ARHGAP44: variants seen among roughly 807,000 people sequenced by gnomAD.
ARHGAP44 encodes rho GTPase-activating protein 44.
A neutral mutation model predicts 106.8 loss-of-function variants in ARHGAP44; 43 were observed. The ratio of observed to expected loss-of-function variants is 0.40; its 90% CI spans 0.32 to 0.52. The LOEUF is 0.52. Ranked by LOEUF, ARHGAP44 falls within the 20% of genes least tolerant of loss-of-function variation. The pLI is 0.48. For synonymous variants in ARHGAP44, 439 were observed against 410.3 expected (o/e 1.07, Z -0.85); for missense variants, 866 against 1,050.5 (o/e 0.82, Z 2.43).
rs199769525 is a variant in ARHGAP44, at chr17:12,944,226, C to T, written c.861+30C>T. ...GTCTGAGCACAGCCACACGCCGCCC[C>T]GGGCAGGTCTCCTCTTCCACGAGAC... On this transcript the variant is annotated intron_variant, in intron 10 of 20. Coordinates refer to ENST00000379672, the MANE Select transcript of ARHGAP44 (RefSeq NM_014859.6). 2.2e-3 allele frequency: 3,508 copies of T among 1,564,214 alleles called. 76 individuals carry two copies. The South Asian group carries it at 0.038, about 17-fold the overall frequency.
At chr17:12,924,679 G>A (rs751282632) in intron 6 of ARHGAP44, among the ~76,000 whole-genome samples, 12 of 152,158 alleles carry the variant, frequency 7.9e-5, no homozygotes, top group African/African-American at 2.9e-4. Context: ...ATAAGAATGG[G>A]CCCCTATTTC....
At chr17:12,838,796 C>T (rs148981492) in intron 1 of ARHGAP44, among the ~76,000 whole-genome samples, 4 of 151,914 alleles carry the variant, frequency 2.6e-5, no homozygotes, top group Non-Finnish European at 5.9e-5. Context: ...CTCAGTCTTC[C>T]GAGTAGCTGG....
At chr17:12,840,535 C>A (rs779353211) in intron 1 of ARHGAP44, among the ~76,000 whole-genome samples, 6 of 152,152 alleles carry the variant, frequency 3.9e-5, no homozygotes, top group African/African-American at 9.7e-5. Context: ...TCCTAGGTCA[C>A]CTCTCCCTCT....
intron 6 of ARHGAP44, among the ~76,000 whole-genome samples, chr17:12,927,722 C>G (rs2038288287): frequency 6.6e-6 from 1 of 152,160 alleles, no homozygotes; most frequent in African/African-American, 2.4e-5. Context: ...TTAAACAAGG[C>G]AGGATCCCTC....
chr17:12,954,454 T>C (rs2143130675), intron 13 of ARHGAP44, among the ~76,000 whole-genome samples: 1 of 152,364 alleles, frequency 6.6e-6, no homozygotes, highest in Middle Eastern at 3.4e-3. Flanking sequence ...GCCTAAGCTC[T>C]CAGCTTAGGT....
intron 8 of ARHGAP44, among the ~76,000 whole-genome samples, chr17:12,943,373 G>A (rs2150983070): frequency 6.6e-6 from 1 of 152,274 alleles, no homozygotes; most frequent in Middle Eastern, 3.4e-3. Context: ...ATTCCTGTCT[G>A]GTTCTCCTGC....
At chr17:12,901,017 G>T (rs544901190) in intron 3 of ARHGAP44, among the ~76,000 whole-genome samples, 1 of 150,656 alleles carries the variant, frequency 6.6e-6, no homozygotes, top group East Asian at 2.0e-4. Context: ...TCTGCCTCCC[G>T]GGTTCAAGCA....
At chr17:12,927,836 C>A (rs1176803439) in intron 6 of ARHGAP44, among the ~76,000 whole-genome samples, 1 of 152,152 alleles carries the variant, frequency 6.6e-6, no homozygotes, top group African/African-American at 2.4e-5. Flanking sequence ...TTTCTTAGAG[C>A]TGAGAAATAG....
At position 12,984,682 on chromosome 17, in the gene ARHGAP44, G is replaced by A. The variant is rs762059119; in HGVS notation, c.2091G>A (p.Gly697=). 6.2e-7 allele frequency: 1 copy of A among 1,613,298 alleles called. No individual in the cohort carries two copies. The highest frequency in any genetic ancestry group is 1.3e-5 in the African/African-American group (1 of 74,900). Reference sequence around the variant, plus strand: ...CCTATGGACTGAGCTACCCTCAGGGGTACTCCTTGGCCTCGGGCCAGCTCT... The same window carrying A: ...CCTATGGACTGAGCTACCCTCAGGGATACTCCTTGGCCTCGGGCCAGCTCT... The part of the protein sequence containing the change: ...PSPYGLSYPQ[G]YSLASGQLSP... The change falls in exon 20 of 21, where the codon GGG becomes GGA. Residue 697 remains glycine (G), a synonymous_variant. Coordinates refer to ENST00000379672, the MANE Select transcript of ARHGAP44 (RefSeq NM_014859.6).
intron 12 of ARHGAP44, among the ~76,000 whole-genome samples, chr17:12,951,875 C>G (rs1373373472): frequency 1.3e-5 from 2 of 152,100 alleles, no homozygotes; most frequent in African/African-American, 4.8e-5. Context: ...TTCTGTGATT[C>G]AAAGCTCCCA....
At chr17:12,980,296 G>A (rs2039801075) in intron 19 of ARHGAP44, 63 bp downstream of exon 19, 1 of 1,512,872 alleles carries the variant, frequency 6.6e-7, no homozygotes, top group Non-Finnish European at 8.9e-7. Context: ...TTCCCTGAAG[G>A]CTCGTTTTCC....
intron 1 of ARHGAP44, among the ~76,000 whole-genome samples, chr17:12,836,204 G>A (rs575478962): frequency 6.6e-6 from 1 of 152,294 alleles, no homozygotes; most frequent in Non-Finnish European, 1.5e-5. Flanking sequence ...GATAAGGACA[G>A]AAATGCTTGA....
intron 1 of ARHGAP44, among the ~76,000 whole-genome samples, chr17:12,843,490 G>C (rs141963838): frequency 1.3e-5 from 2 of 151,804 alleles, no homozygotes; most frequent in African/African-American, 4.8e-5. Flanking sequence ...TTGGCACCTC[G>C]TTCATCTTTT....
chr17:12,835,594 A>G (rs1360719801), intron 1 of ARHGAP44, among the ~76,000 whole-genome samples: 1 of 146,164 alleles, frequency 6.8e-6, no homozygotes, highest in Non-Finnish European at 1.5e-5. Flanking sequence ...TACCGTGGTT[A>G]CGTGGCATGG....
rs752583283 is a variant in ARHGAP44, at chr17:12,980,229, G to A, written c.1935G>A (p.Arg645=). Reference sequence around the variant, plus strand: ...CAGACCAGAGTCCTCACACCCTCCGGAAAGGTATGGCCCTGCTTCCCTTCT... The same window carrying A: ...CAGACCAGAGTCCTCACACCCTCCGAAAAGGTATGGCCCTGCTTCCCTTCT... The part of the protein sequence containing the change: ...PPADQSPHTL[R]KVSKKLAPIP... The change falls in exon 19 of 21, where the codon CGG becomes CGA. Residue 645 remains arginine, a synonymous_variant. Coordinates refer to ENST00000379672, the MANE Select transcript of ARHGAP44 (RefSeq NM_014859.6). The A allele has an allele frequency of 2.0e-5, 33 of 1,611,286 alleles. No individual in the cohort carries two copies. Among genetic ancestry groups the A allele is most frequent in the Non-Finnish European group, 2.8e-5 (33 of 1,179,130 alleles).
intron 13 of ARHGAP44, among the ~76,000 whole-genome samples, chr17:12,954,094 C>T (rs2039067450): frequency 6.7e-6 from 1 of 149,246 alleles, no homozygotes. Flanking sequence ...GACGGGGTTT[C>T]ACCATGTTAG....
At chr17:12,989,017 A>C (rs1334625991) in intron 20 of ARHGAP44, 15 of 146,298 alleles carry the variant, frequency 1.0e-4, no homozygotes. Context: ...GAATCGCTTG[A>C]ACCCAGGAGG....
chr17:12,840,697 G>T (rs1459840337), intron 1 of ARHGAP44, among the ~76,000 whole-genome samples: 1 of 152,218 alleles, frequency 6.6e-6, no homozygotes, highest in African/African-American at 2.4e-5. Context: ...CACCACGAGG[G>T]GGCCTGCAGG....
At chr17:12,858,908 C>G (rs2035985882) in intron 1 of ARHGAP44, among the ~76,000 whole-genome samples, 1 of 152,040 alleles carries the variant, frequency 6.6e-6, no homozygotes, top group Admixed American at 6.6e-5. Context: ...AGAATGAGAG[C>G]CAAGTGAAAG....
Sources: allele counts gnomAD v4.1 joint callset (sites outside exome capture counted in the v4.1 genomes callset), GRCh38; gene constraint gnomAD v4.1.1; transcripts MANE v1.5; gene names NCBI Gene and HGNC (gene_info 2026-07-23, HGNC 2026-07-21).